Variants in MPZL1 observed in about 807,000 individuals in gnomAD.
The protein encoded by MPZL1 is myelin protein zero-like protein 1.
In MPZL1, 16 loss-of-function variants were observed where a neutral mutation model predicts 29.3. The ratio of observed to expected loss-of-function variants is 0.55; its 90% CI spans 0.37 to 0.83. MPZL1 has a LOEUF of 0.83. Ranked by LOEUF, MPZL1 falls within the 40% of genes least tolerant of loss-of-function variation. The pLI, the probability that MPZL1 is intolerant of heterozygous loss-of-function variation, is 0.00. For synonymous variants in MPZL1, 143 were observed against 132.0 expected (o/e 1.08, Z -0.57); for missense variants, 279 against 332.9 (o/e 0.84, Z 1.26).
At position 167,773,398 on chromosome 1, in the gene MPZL1, G is replaced by A. The variant is rs569523264; in HGVS notation, c.605+30G>A. ...GAAACACTGTTTTTTTAGGGCAGGGGTGGAGGGAGGGAATCAGGGTTTATA... is the reference window on the plus strand; with the variant it reads ...GAAACACTGTTTTTTTAGGGCAGGGATGGAGGGAGGGAATCAGGGTTTATA... On this transcript the variant is annotated intron_variant, in intron 4 of 5. Transcript: ENST00000359523. 6.3e-6 allele frequency: 10 copies of A among 1,596,360 alleles called. No individual in the cohort carries two copies. In the African/African-American group the frequency reaches 6.8e-5, roughly 11 times the overall value.
chr1:167,788,524 T>TA lies in MPZL1; in HGVS notation c.*604dup, dbSNP rs1425307075. The TA allele has an allele frequency of 3.3e-5, 5 of 152,514 alleles. No homozygotes were observed. The highest frequency in any genetic ancestry group is 9.6e-5 in the African/African-American group (4 of 41,470). The allele number at this position is 152,514 out of a possible 1,614,324, so 9.4% of individuals were successfully genotyped here. On this transcript the variant is annotated 3_prime_UTR_variant, in exon 6 of 6. Transcript: ENST00000359523. ...TAAAATATGGGGCAATTGTTAGCCT[T>TA]ACATGTTGTGTAGACTTACTTTAAG... is the stretch of plus-strand genomic sequence containing the variant.
At chr1:167,765,482 A>G (rs1404296185) in intron 1 of MPZL1, 101 bp from the exon 2 acceptor site, 7 of 948,834 alleles carry the variant, frequency 7.4e-6, no homozygotes, top group Admixed American at 2.8e-5. Context: ...ATTACTGTAT[A>G]TATCTAGTAA....
At chr1:167,737,387 A>G (rs1660397876) in intron 1 of MPZL1, among the ~76,000 whole-genome samples, 1 of 152,220 alleles carries the variant, frequency 6.6e-6, no homozygotes, top group Non-Finnish European at 1.5e-5. Context: ...TTTGATAGTG[A>G]TGTGGCTCAG....
intron 5 of MPZL1, among the ~76,000 whole-genome samples, chr1:167,782,242 T>C (rs1025223067): frequency 6.6e-6 from 1 of 152,198 alleles, no homozygotes; most frequent in African/African-American, 2.4e-5. Context: ...TGGTTAATTT[T>C]GATAGTTCCT....
intron 1 of MPZL1, among the ~76,000 whole-genome samples, chr1:167,724,437 C>T (rs1270655316): frequency 2.0e-5 from 3 of 152,150 alleles, no homozygotes; most frequent in Non-Finnish European, 4.4e-5. Flanking sequence ...AGGCAGAGGA[C>T]TATTGTAATA....
rs181590708 is a variant in MPZL1, at chr1:167,783,559, A to G, written c.709-4261A>G. ...ATAGCATAGACAGGGTAATGTTTCA[A>G]GAAGTAGTTATGTGCGTTTTTCCTT... On this transcript the variant is annotated intron_variant, in intron 5 of 5. Transcript: ENST00000359523. Among the ~76,000 whole-genome samples the G allele has an allele frequency of 7.5e-4, 114 of 152,342 alleles. 1 individual carries two copies. Among genetic ancestry groups the G allele is most frequent in the African/African-American group, 2.7e-3 (112 of 41,592 alleles).
chr1:167,772,402 A>T lies in MPZL1; in HGVS notation c.386A>T (p.His129Leu), dbSNP rs1661272098. 6.2e-7 allele frequency: 1 copy of T among 1,614,130 alleles called. No individual in the cohort carries two copies. The highest frequency in any genetic ancestry group is 8.5e-7 in the Non-Finnish European group (1 of 1,179,970). The part of the protein sequence containing the change: ...SINIENMQFI[H>L]NGTYICDVKN... ...AACATAGAAAATATGCAGTTTATAC[A>T]CAATGGCACCTATATCTGTGATGTC... Residue 129 changes from histidine to leucine, a missense_variant, in exon 3 of 6, where the codon CAC (histidine) becomes CTC (leucine). Transcript: ENST00000359523.
chr1:167,776,271 C>A (rs975574705), intron 5 of MPZL1, 105 bp downstream of exon 5: 18 of 707,796 alleles, frequency 2.5e-5, no homozygotes, highest in Non-Finnish European at 4.1e-5. Flanking sequence ...GAGACAGAGA[C>A]AGAGACAGAC....
intron 4 of MPZL1, among the ~76,000 whole-genome samples, chr1:167,774,380 G>A (rs1463276351): frequency 6.6e-6 from 1 of 152,192 alleles, no homozygotes; most frequent in African/African-American, 2.4e-5. Flanking sequence ...GAACTCTCTT[G>A]CTGGTGGATG....
At chr1:167,737,677 T>A (rs1272689382) in intron 1 of MPZL1, among the ~76,000 whole-genome samples, 4 of 152,192 alleles carry the variant, frequency 2.6e-5, no homozygotes, top group African/African-American at 4.8e-5. Context: ...AAAACACCCC[T>A]TTCTTCACAG....
chr1:167,735,107 C>T (rs1197282607), intron 1 of MPZL1, among the ~76,000 whole-genome samples: 2 of 152,200 alleles, frequency 1.3e-5, no homozygotes, highest in Admixed American at 1.3e-4. Context: ...ATGTAGTGCT[C>T]AAGCTGGGAA....
intron 4 of MPZL1, chr1:167,774,889 A>G (rs1661333740): frequency 6.6e-6 from 1 of 152,214 alleles, no homozygotes; most frequent in African/African-American, 2.4e-5. Context: ...ATTCCTGTGT[A>G]TGTATTCAGC....
chr1:167,725,286 C>G (rs1012848648), intron 1 of MPZL1, among the ~76,000 whole-genome samples: 7 of 152,064 alleles, frequency 4.6e-5, no homozygotes, highest in African/African-American at 1.7e-4. Flanking sequence ...AGCTGCTCTT[C>G]CTCTTTTTCC....
intron 2 of MPZL1, among the ~76,000 whole-genome samples, chr1:167,768,388 CTT>C (rs148008880): frequency 3.1e-4 from 45 of 145,706 alleles, no homozygotes; most frequent in East Asian, 2.6e-3. Flanking sequence ...CATAATGCCT[CTT>C]TTTTTTTTTT....
chr1:167,762,483 C>T (rs1182407378), intron 1 of MPZL1, among the ~76,000 whole-genome samples: 1 of 152,132 alleles, frequency 6.6e-6, no homozygotes, highest in African/African-American at 2.4e-5. Context: ...GTACAGAAAA[C>T]GGGAGTGAGG....
intron 1 of MPZL1, among the ~76,000 whole-genome samples, chr1:167,742,601 T>C (rs1188056899): frequency 6.6e-6 from 1 of 152,176 alleles, no homozygotes; most frequent in East Asian, 1.9e-4. Flanking sequence ...CTGTTTACTC[T>C]GCTGACTGTT....
chr1:167,761,729 G>A (rs1388798394), intron 1 of MPZL1, among the ~76,000 whole-genome samples: 4 of 152,202 alleles, frequency 2.6e-5, no homozygotes, highest in Non-Finnish European at 5.9e-5. Context: ...ATACATTTAA[G>A]GCGAAAATAG....
At chr1:167,760,509 G>T (rs1660964016) in intron 1 of MPZL1, among the ~76,000 whole-genome samples, 1 of 151,978 alleles carries the variant, frequency 6.6e-6, no homozygotes, top group South Asian at 2.1e-4. Context: ...GGCCCCTCTA[G>T]ATAGGTTTCT....
chr1:167,727,786 T>A (rs1170933033), intron 1 of MPZL1, among the ~76,000 whole-genome samples: 1 of 152,160 alleles, frequency 6.6e-6, no homozygotes, highest in Non-Finnish European at 1.5e-5. Flanking sequence ...AGTGCATAAA[T>A]TGAGAAATTG....
Sources: allele counts gnomAD v4.1 joint callset (sites outside exome capture counted in the v4.1 genomes callset), GRCh38; gene constraint gnomAD v4.1.1; transcripts MANE v1.5; gene names NCBI Gene and HGNC (gene_info 2026-07-23, HGNC 2026-07-21).